LYG1: variants seen among roughly 807,000 people sequenced by gnomAD.
The protein encoded by LYG1 is lysozyme g1, also known as lysozyme g-like protein 1.
Under a neutral mutation model 21.7 loss-of-function variants are expected in LYG1, and 17 were observed. The observed-to-expected ratio is 0.78, with a 90% CI of 0.54 to 1.18. The LOEUF is 1.18. Ranked by LOEUF, LYG1 falls within the 50% of genes most tolerant of loss-of-function variation. The probability of loss-of-function intolerance (pLI) is 0.00; values close to 1 mark genes in which losing one functional copy is unlikely to be tolerated. For missense variants in LYG1, 211 were observed against 238.1 expected, an observed-to-expected ratio of 0.89 and a Z score of 0.75; for synonymous variants, 81 against 87.4, an observed-to-expected ratio of 0.93 and a Z score of 0.41.
At chr2:99,290,497 G>A (rs2094115127) in intron 5 of LYG1, among the ~76,000 whole-genome samples, 1 of 152,144 alleles carries the variant, frequency 6.6e-6, no homozygotes, top group Non-Finnish European at 1.5e-5. Flanking sequence ...CAAATTTGGA[G>A]AGATCATTGA....
Position 99,291,287 on chromosome 2 carries a change from G to A in LYG1, c.283C>T (p.Pro95Ser). Residue 95 changes from proline to serine, a missense_variant, in exon 5 of 7, where the codon CCC becomes TCC. Transcript: ENST00000308528. Reference protein sequence around the residue: ...VIAGVLSRKSPGDKILVNMGD... With the variant: ...VIAGVLSRKSSGDKILVNMGD... Reference sequence around the variant, plus strand: ...ATGTTGACCAGAATTTTGTCACCGGGAGACTTCCTGGACAAGACACCAGCG... The same window carrying A: ...ATGTTGACCAGAATTTTGTCACCGGAAGACTTCCTGGACAAGACACCAGCG... The A allele has an allele frequency of 6.2e-7, 1 of 1,614,168 alleles. No individual in the cohort carries two copies. Among genetic ancestry groups the A allele is most frequent in the Non-Finnish European group, 8.5e-7 (1 of 1,180,038 alleles).
At chr2:99,287,333 C>T (rs1470386454) in intron 5 of LYG1, among the ~76,000 whole-genome samples, 3 of 152,160 alleles carry the variant, frequency 2.0e-5, no homozygotes, top group Non-Finnish European at 4.4e-5. Context: ...GATGAGAACA[C>T]ATGGACACAT....
intron 4 of LYG1, among the ~76,000 whole-genome samples, chr2:99,291,642 G>A (rs1385295855): frequency 1.3e-5 from 2 of 152,172 alleles, no homozygotes; most frequent in Non-Finnish European, 2.9e-5. Context: ...AGGGTCCCCT[G>A]TGGCTGTCAG....
Position 99,284,722 on chromosome 2 carries a change from C to A in LYG1, c.432G>T (p.Arg144Ser). The A allele has an allele frequency of 6.2e-7, 1 of 1,614,154 alleles. No individual in the cohort carries two copies. The highest frequency in any genetic ancestry group is 8.5e-7 in the Non-Finnish European group (1 of 1,180,018). The change falls in exon 6 of 7, where the codon AGG (arginine) becomes AGT (serine). Residue 144 changes from arginine to serine, a missense_variant. Arg to Ser is a moderately radical substitution (Grantham distance 110). Transcript: ENST00000308528. ...ACTGGTCAGGGGTCCAGGTTGGAAA[C>A]CTCCTCTGGATTTCTTTGATTCTAG... Reference protein sequence around the residue: ...LTTRIKEIQRRFPTWTPDQYL... With the variant: ...LTTRIKEIQRSFPTWTPDQYL...
intron 5 of LYG1, among the ~76,000 whole-genome samples, chr2:99,287,385 T>G (rs1240629721): frequency 2.6e-5 from 4 of 151,304 alleles, no homozygotes; most frequent in Admixed American, 2.0e-4. Flanking sequence ...GAGGGTGGAG[T>G]GTGGGAGGAG....
chr2:99,301,912 A>T (rs895527670), upstream of LYG1, among the ~76,000 whole-genome samples: 5 of 151,934 alleles, frequency 3.3e-5, no homozygotes, highest in African/African-American at 1.2e-4. Context: ...ATCAATAAGT[A>T]CTTTGAGAGG....
intron 3 of LYG1, 65 bp downstream of exon 3, chr2:99,295,563 C>T: frequency 6.5e-7 from 1 of 1,545,844 alleles, no homozygotes; most frequent in Non-Finnish European, 8.9e-7. Context: ...ATTAGAAGTG[C>T]CATTGTGTTC....
chr2:99,285,827 A>C (rs1314560002), intron 5 of LYG1, among the ~76,000 whole-genome samples: 1 of 152,194 alleles, frequency 6.6e-6, no homozygotes, highest in African/African-American at 2.4e-5. Flanking sequence ...GCCCTCCAAC[A>C]ACACCTGGAG....
chr2:99,285,137 G>A (rs1166228128), intron 5 of LYG1, among the ~76,000 whole-genome samples: 2 of 152,126 alleles, frequency 1.3e-5, no homozygotes, highest in African/African-American at 4.8e-5. Flanking sequence ...CAAGGTAGGT[G>A]GATCACTTAA....
At chr2:99,304,294 T>C (rs1004624734), upstream of LYG1, among the ~76,000 whole-genome samples, 1 of 152,208 alleles carries the variant, frequency 6.6e-6, no homozygotes, top group Non-Finnish European at 1.5e-5. Flanking sequence ...TCTGATGATT[T>C]TATAAGAGGA....
chr2:99,293,719 A>G (rs2105297014), intron 3 of LYG1, among the ~76,000 whole-genome samples: 1 of 152,226 alleles, frequency 6.6e-6, no homozygotes, highest in Middle Eastern at 3.4e-3. Context: ...CACCAGGAGG[A>G]GAGTGCATGA....
chr2:99,294,611 T>C (rs1209401841), intron 3 of LYG1, among the ~76,000 whole-genome samples: 3 of 152,164 alleles, frequency 2.0e-5, no homozygotes, highest in Admixed American at 2.0e-4. Context: ...TCCTGCCTTG[T>C]GGACCTCTCC....
chr2:99,302,661 G>A (rs112614857), upstream of LYG1, among the ~76,000 whole-genome samples: 3 of 152,146 alleles, frequency 2.0e-5, no homozygotes, highest in African/African-American at 2.4e-5. Flanking sequence ...GATTTAAAGC[G>A]TATTTATGAC....
At chr2:99,288,915 ACT>A (rs1163987853) in intron 5 of LYG1, among the ~76,000 whole-genome samples, 6 of 151,946 alleles carry the variant, frequency 3.9e-5, no homozygotes, top group Non-Finnish European at 7.4e-5. Context: ...TAAGGCAAGG[ACT>A]CTCTGATCCT....
chr2:99,301,405 AAG>A (rs1209015096), upstream of LYG1, among the ~76,000 whole-genome samples: 4 of 149,006 alleles, frequency 2.7e-5, no homozygotes, highest in East Asian at 2.0e-4. Flanking sequence ...GAGAGAGAGA[AAG>A]AGAGAGAGAG....
intron 2 of LYG1, among the ~76,000 whole-genome samples, chr2:99,296,619 G>A (rs1448454953): frequency 6.6e-6 from 1 of 152,150 alleles, no homozygotes; most frequent in Non-Finnish European, 1.5e-5. Flanking sequence ...TGCCTCCAAA[G>A]CGCCTCCCAC....
upstream of LYG1, among the ~76,000 whole-genome samples, chr2:99,304,279 T>C (rs951468512): frequency 6.6e-6 from 1 of 152,116 alleles, no homozygotes; most frequent in Non-Finnish European, 1.5e-5. Flanking sequence ...ATAAGTCTCA[T>C]GAGATCTGAT....
At position 99,296,429 on chromosome 2, in the gene LYG1, G is replaced by A. The variant is rs541141672; in HGVS notation, c.-32-727C>T. On this transcript the variant is annotated intron_variant, in intron 2 of 6. Coordinates refer to ENST00000308528, the MANE Select transcript of LYG1 (RefSeq NM_174898.3). ...GCTCACAAGACTGGAGAATGAACAC[G>A]TGGCCAACATGGAGCACCCGCTCAT... Among the ~76,000 whole-genome samples the A allele has an allele frequency of 1.7e-4, 26 of 152,282 alleles. No homozygotes were observed. The South Asian group carries it at 4.4e-3, about 26-fold the overall frequency.
At position 99,284,503 on chromosome 2, in the gene LYG1, A is replaced by C. The variant is rs779649790; in HGVS notation, c.475T>G (p.Cys159Gly). The change falls in exon 7 of 7, where the codon TGT (cysteine) becomes GGT (glycine). Residue 159 changes from cysteine (C) to glycine (G), a missense_variant. Coordinates refer to ENST00000308528, the MANE Select transcript of LYG1 (RefSeq NM_174898.3). The part of the protein sequence containing the change: ...TPDQYLRGGL[C>G]AYSGGAGYVR... ...TAGCCAGCACCCCCACTGTAGGCAC[A>C]GAGTCCACCTGAAATGCATGAGATA... 3.1e-6 allele frequency: 5 copies of C among 1,614,028 alleles called. No homozygotes were observed. Among genetic ancestry groups the C allele is most frequent in the African/African-American group, 1.3e-5 (1 of 74,940 alleles).
Sources: allele counts gnomAD v4.1 joint callset (sites outside exome capture counted in the v4.1 genomes callset), GRCh38; gene constraint gnomAD v4.1.1; transcripts MANE v1.5; gene names NCBI Gene and HGNC (gene_info 2026-07-23, HGNC 2026-07-21).